Variants in TFDP2 observed in about 807,000 individuals in gnomAD.
TFDP2 encodes the protein transcription factor Dp-2 (E2F dimerization partner 2).
In TFDP2, 17 loss-of-function variants were observed where a neutral mutation model predicts 59.3. That is an observed-to-expected ratio of 0.29 (90% CI 0.20 to 0.43). TFDP2 has a LOEUF of 0.43. TFDP2 is among the 20% of genes least tolerant of loss of function. The pLI is 1.00. For missense variants in TFDP2, 391 were observed against 528.8 expected (o/e 0.74, Z 2.56); for synonymous variants, 180 against 194.7 (o/e 0.92, Z 0.63).
intron 3 of TFDP2, among the ~76,000 whole-genome samples, chr3:142,091,103 C>T (rs2060982156): frequency 6.6e-6 from 1 of 152,130 alleles, no homozygotes; most frequent in African/African-American, 2.4e-5. Context: ...TCCCTCAGCC[C>T]TCACGGCAGT....
intron 4 of TFDP2, among the ~76,000 whole-genome samples, chr3:142,000,740 C>G (rs1943690866): frequency 6.6e-6 from 1 of 152,162 alleles, no homozygotes; most frequent in African/African-American, 2.4e-5. Context: ...ATGGGACAGG[C>G]ACAGAACATG....
Position 142,002,389 on chromosome 3 carries a change from G to T in TFDP2, c.186+3052C>A, listed in dbSNP as rs146057757. On this transcript the variant is annotated intron_variant, in intron 4 of 12. Coordinates refer to ENST00000489671, the MANE Select transcript of TFDP2 (RefSeq NM_001178139.2). The stretch of plus-strand genomic sequence containing the variant: ...GCTCAGGCTGGTCTTGAACTCCTGG[G>T]CTCAGGAAATCCTTCTGCCTTGGCC... Among the ~76,000 whole-genome samples, 62 of 146,782 alleles carry T rather than the reference G, an allele frequency of 4.2e-4. 1 individual carries two copies. The highest frequency in any genetic ancestry group is 3.7e-3 in the Middle Eastern group (1 of 272).
chr3:142,078,699 C>A (rs536474792), intron 3 of TFDP2, among the ~76,000 whole-genome samples: 2 of 152,200 alleles, frequency 1.3e-5, no homozygotes, highest in South Asian at 4.1e-4. Context: ...AGCCCAGACA[C>A]CAAAGACTAC....
chr3:142,016,423 C>T (rs1028216944), intron 3 of TFDP2, among the ~76,000 whole-genome samples: 6 of 151,976 alleles, frequency 3.9e-5, no homozygotes, highest in South Asian at 2.1e-4. Flanking sequence ...CTCAGCCTCC[C>T]GAGTAGCTGG....
At chr3:142,011,736 G>C (rs1414230009) in intron 3 of TFDP2, among the ~76,000 whole-genome samples, 1 of 151,644 alleles carries the variant, frequency 6.6e-6, no homozygotes, top group East Asian at 1.9e-4. Context: ...TAAGGATGTG[G>C]CAAAACAGGC....
At chr3:141,955,073 T>C (rs932565215) in intron 11 of TFDP2, among the ~76,000 whole-genome samples, 3 of 152,190 alleles carry the variant, frequency 2.0e-5, no homozygotes, top group African/African-American at 4.8e-5. Context: ...GCCAGAATCT[T>C]GTGCTGAATA....
chr3:142,036,017 G>A (rs1048033627), intron 3 of TFDP2, among the ~76,000 whole-genome samples: 1 of 152,122 alleles, frequency 6.6e-6, no homozygotes, highest in South Asian at 2.1e-4. Flanking sequence ...TTACAGATAT[G>A]AATTCAATGA....
In TFDP2 at chr3:142,005,583, T is replaced by C. The variant is rs566962874; in HGVS notation, c.83-39A>G. ...AAAACATTAAGTTAGTATTCTGCCA[T>C]ACCAAGGCCATTTTCTAGCTATATA... On this transcript the variant is annotated intron_variant, in intron 3 of 12. Transcript: ENST00000489671. 4.4e-5 allele frequency: 64 copies of C among 1,443,200 alleles called. No homozygotes were observed. The African/African-American group carries it at 8.6e-4, about 19-fold the overall frequency. The allele number at this position is 1,443,200 out of a possible 1,614,324, so 89.4% of individuals were successfully genotyped here.
intron 9 of TFDP2, among the ~76,000 whole-genome samples, chr3:141,967,322 C>T (rs1162012808): frequency 2.9e-5 from 4 of 137,486 alleles, no homozygotes; most frequent in Admixed American, 7.5e-5. Context: ...GACAGAGTTT[C>T]GCTCTTGTTG....
At position 141,991,023 on chromosome 3, in the gene TFDP2, A is replaced by C. The variant is rs1192824707; in HGVS notation, c.356+2515T>G. ...CAGCGAGCCGAGATCACACCACTGC[A>C]CTCCAGCCTGGGCAACAGGGTGAGA... On this transcript the variant is annotated intron_variant, in intron 6 of 12. Coordinates refer to ENST00000489671, the MANE Select transcript of TFDP2 (RefSeq NM_001178139.2). Among the ~76,000 whole-genome samples the C allele has an allele frequency of 2.0e-5, 3 of 152,120 alleles. No individual in the cohort carries two copies. The East Asian group carries it at 5.8e-4, about 29-fold the overall frequency.
intron 3 of TFDP2, among the ~76,000 whole-genome samples, chr3:142,091,576 A>T (rs1704982): frequency 0.45 from 67,805 of 150,742 alleles, 16,899 homozygotes; most frequent in East Asian, 0.72. Context: ...CAAAAAAAAA[A>T]TAAATAAAAT....
At chr3:142,039,057 T>A (rs539928132) in intron 3 of TFDP2, among the ~76,000 whole-genome samples, 1 of 152,330 alleles carries the variant, frequency 6.6e-6, no homozygotes, top group South Asian at 2.1e-4. Flanking sequence ...TGTATTATTC[T>A]GAGTTCCCAT....
At chr3:142,131,684 A>C (rs1214543950) in intron 1 of TFDP2, among the ~76,000 whole-genome samples, 2 of 150,358 alleles carry the variant, frequency 1.3e-5, no homozygotes. Flanking sequence ...GTAGTAAGAA[A>C]TGCGTAACGC....
chr3:141,957,842 G>T (rs1936889298), intron 11 of TFDP2, among the ~76,000 whole-genome samples: 1 of 152,158 alleles, frequency 6.6e-6, no homozygotes, highest in Non-Finnish European at 1.5e-5. Context: ...GACTGTTAAT[G>T]GGTTTGGGTT....
chr3:141,970,214 A>T, intron 8 of TFDP2, 73 bp from the exon 9 acceptor site: 1 of 1,402,112 alleles, frequency 7.1e-7, no homozygotes, highest in Non-Finnish European at 1.0e-6. Context: ...CCAGGTCCCT[A>T]TTCTGAGATA....
intron 2 of TFDP2, among the ~76,000 whole-genome samples, chr3:142,093,790 A>G (rs1182068035): frequency 3.3e-5 from 5 of 152,200 alleles, no homozygotes; most frequent in Non-Finnish European, 7.3e-5. Flanking sequence ...CATCAAGCCT[A>G]CTAGGGGTTT....
At chr3:142,060,304 A>T (rs1448406283) in intron 3 of TFDP2, among the ~76,000 whole-genome samples, 1 of 152,208 alleles carries the variant, frequency 6.6e-6, no homozygotes, top group Non-Finnish European at 1.5e-5. Context: ...CACTGTGCCC[A>T]GCATAACAGT....
At chr3:142,027,261 T>C (rs1946161980) in intron 3 of TFDP2, among the ~76,000 whole-genome samples, 1 of 148,406 alleles carries the variant, frequency 6.7e-6, no homozygotes, top group Non-Finnish European at 1.5e-5. Flanking sequence ...CTCATTTTGT[T>C]ACTCTATGAC....
At chr3:142,053,055 G>A (rs1319111962) in intron 3 of TFDP2, among the ~76,000 whole-genome samples, 1 of 152,132 alleles carries the variant, frequency 6.6e-6, no homozygotes, top group Admixed American at 6.5e-5. Context: ...TGATCCACTT[G>A]CCTCAGCCTC....
Sources: gnomAD v4.1 joint callset for allele counts (sites outside exome capture counted in the v4.1 genomes callset) on GRCh38, gnomAD v4.1.1 for gene constraint, MANE v1.5 for transcripts, NCBI Gene and HGNC (gene_info 2026-07-23, HGNC 2026-07-21) for gene names.